Variants in ARFGAP1 observed in about 807,000 individuals in gnomAD.
The protein encoded by ARFGAP1 is ADP-ribosylation factor GTPase-activating protein 1.
In ARFGAP1, 26 loss-of-function variants were observed where a neutral mutation model predicts 54.0. That is an observed-to-expected ratio of 0.48 (90% CI 0.35 to 0.67). The LOEUF (loss-of-function observed/expected upper bound fraction) is 0.67. Ranked by LOEUF, ARFGAP1 falls within the 30% of genes least tolerant of loss-of-function variation. The pLI is 0.00. For synonymous variants in ARFGAP1, 248 were observed against 211.9 expected (o/e 1.17, Z -1.48); for missense variants, 525 against 535.8 (o/e 0.98, Z 0.20).
intron 10 of ARFGAP1, 92 bp from the exon 11 acceptor site, chr20:63,285,562 G>T: frequency 1.5e-6 from 2 of 1,356,832 alleles, no homozygotes; most frequent in Admixed American, 1.7e-5. Context: ...CTGATATTTC[G>T]GATGCCCTCA....
chr20:63,285,650 G>A lies in ARFGAP1; in HGVS notation c.775-4G>A. 1 of 1,613,340 alleles carries A rather than the reference G, an allele frequency of 6.2e-7. No homozygotes were observed. The highest frequency in any genetic ancestry group is 8.5e-7 in the Non-Finnish European group (1 of 1,179,784). On this transcript the variant is annotated splice_region_variant and splice_polypyrimidine_tract_variant and intron_variant, in intron 10 of 12. Coordinates refer to ENST00000370283, the MANE Select transcript of ARFGAP1 (RefSeq NM_018209.4). ...CATTAATGCCGCTGTCTTCATCCGTGCAGGTGAAGGAGGGAAAGATTTTTG... is the reference window on the plus strand; with the variant it reads ...CATTAATGCCGCTGTCTTCATCCGTACAGGTGAAGGAGGGAAAGATTTTTG...
rs564471843 is a variant in ARFGAP1, at chr20:63,288,339, T to TTTA, written c.*466_*467insTTA. 153 of 458,644 alleles carry TTTA rather than the reference T, an allele frequency of 3.3e-4. 1 individual carries two copies. The East Asian group carries it at 6.3e-3, about 19-fold the overall frequency. The allele number at this position is 458,644 out of a possible 1,614,324, so 28.4% of individuals were successfully genotyped here. On this transcript the variant is annotated 3_prime_UTR_variant, in exon 13 of 13. Transcript: ENST00000370283. ...TTCTTTTTGAAGAGAGTGACTGGAG[T>TTTA]GGTAAAGATGGAAATGCTGGAAATG...
Position 63,288,273 on chromosome 20 carries a change from C to A in ARFGAP1, c.*400C>A. 2.0e-6 allele frequency: 1 copy of A among 505,264 alleles called. No individual in the cohort carries two copies. Among genetic ancestry groups the A allele is most frequent in the African/African-American group, 1.9e-5 (1 of 52,194 alleles). The allele number at this position is 505,264 out of a possible 1,614,324, so 31.3% of individuals were successfully genotyped here. On this transcript the variant is annotated 3_prime_UTR_variant, in exon 13 of 13. Coordinates refer to ENST00000370283, the MANE Select transcript of ARFGAP1 (RefSeq NM_018209.4). ...GAGCTGTCAGCGACGTGAGGTGTCCCTTCTCGTTGAGATATTTAACTTTGG... is the reference window on the plus strand; with the variant it reads ...GAGCTGTCAGCGACGTGAGGTGTCCATTCTCGTTGAGATATTTAACTTTGG...
intron 11 of ARFGAP1, 133 bp downstream of exon 11, chr20:63,285,846 G>T: frequency 6.8e-7 from 1 of 1,465,066 alleles, no homozygotes; most frequent in Non-Finnish European, 9.4e-7. Context: ...TCTGAGACGG[G>T]AGGAGAGCTG....
chr20:63,287,968 A>G lies in ARFGAP1; in HGVS notation c.*95A>G, dbSNP rs1005192547. ...CCTCCTTCCATTTGACCCAAGAATC[A>G]GCAACTGCAGTGTGAGGACAGCGTC... On this transcript the variant is annotated 3_prime_UTR_variant, in exon 13 of 13. Transcript: ENST00000370283. The G allele has an allele frequency of 1.5e-6, 2 of 1,333,922 alleles. No homozygotes were observed. The highest frequency in any genetic ancestry group is 2.5e-5 in the East Asian group (1 of 39,536). 82.6% of individuals were successfully genotyped at this position (1,333,922 alleles called of 1,614,324 possible).
chr20:63,278,275 C>T, intron 6 of ARFGAP1, 72 bp downstream of exon 6: 3 of 1,529,122 alleles, frequency 2.0e-6, no homozygotes, highest in Non-Finnish European at 1.8e-6. Flanking sequence ...GGTAGGGCTG[C>T]TTCCCTTGGG....
chr20:63,278,225 A>G (rs769160674), intron 6 of ARFGAP1, 22 bp downstream of exon 6: 15 of 1,610,852 alleles, frequency 9.3e-6, no homozygotes, highest in Non-Finnish European at 1.3e-5. Context: ...AGAGCTGGGG[A>G]CGCCTGGCGT....
chr20:63,278,513 T>C, intron 6 of ARFGAP1: 1 of 463,370 alleles, frequency 2.2e-6, no homozygotes, highest in South Asian at 2.3e-5. Flanking sequence ...GCTGCCCAGG[T>C]GTGAATTGGG....
intron 1 of ARFGAP1, chr20:63,273,886 G>A (rs1168725313): frequency 1.3e-5 from 2 of 152,274 alleles, no homozygotes; most frequent in Non-Finnish European, 2.9e-5. Flanking sequence ...TTCTGCACAG[G>A]GCCCTCAGTG....
chr20:63,280,213 C>T (rs1041074351), intron 7 of ARFGAP1, among the ~76,000 whole-genome samples: 11 of 152,200 alleles, frequency 7.2e-5, no homozygotes, highest in African/African-American at 1.7e-4. Flanking sequence ...CCTTTGGCCA[C>T]GGGGGCTGCT....
rs1471683636 is a variant in ARFGAP1 at position 63,288,427 on chromosome 20, T to C, written c.*554T>C. 1 of 456,108 alleles carries C rather than the reference T, an allele frequency of 2.2e-6. No individual in the cohort carries two copies. The highest frequency in any genetic ancestry group is 2.3e-5 in the Admixed American group (1 of 42,580). 28.3% of individuals were successfully genotyped at this position (456,108 alleles called of 1,614,324 possible). The stretch of plus-strand genomic sequence containing the variant: ...TCCCGAGTCCACGCCTGCCTGGGCC[T>C]GTGCTGTCAGACCCGCGTCGGTCGT... On this transcript the variant is annotated 3_prime_UTR_variant, in exon 13 of 13. Coordinates refer to ENST00000370283, the MANE Select transcript of ARFGAP1 (RefSeq NM_018209.4).
At position 63,276,631 on chromosome 20, in the gene ARFGAP1, G is replaced by A. The variant is rs1420863880; in HGVS notation, c.322G>A (p.Ala108Thr). 3.7e-6 allele frequency: 6 copies of A among 1,611,694 alleles called. No individual in the cohort carries two copies. The highest frequency in any genetic ancestry group is 4.5e-5 in the East Asian group (2 of 44,872). ...SLQEKYNSRA[A>T]ALFRDKVVAL... is the part of the protein sequence containing the mutation. Reference sequence around the variant, plus strand: ...GCAGGAGAAGTACAACAGCAGAGCCGCGGCCCTCTTTAGGGATAAGGTAGA... The same window carrying A: ...GCAGGAGAAGTACAACAGCAGAGCCACGGCCCTCTTTAGGGATAAGGTAGA... The change falls in exon 4 of 13, where the codon GCG (alanine) becomes ACG (threonine). Residue 108 changes from alanine to threonine, a missense_variant. Coordinates refer to ENST00000370283, the MANE Select transcript of ARFGAP1 (RefSeq NM_018209.4). The surrounding 1 kb of genome is among the most constrained non-coding windows in gnomAD (Gnocchi z 5.2).
intron 1 of ARFGAP1, among the ~76,000 whole-genome samples, chr20:63,274,664 C>G (rs1193606802): frequency 1.3e-5 from 2 of 152,186 alleles, no homozygotes; most frequent in Non-Finnish European, 2.9e-5. Flanking sequence ...CTGCTGCCTC[C>G]AGGCTGGACT....
At chr20:63,284,023 G>A (rs11086161) in intron 9 of ARFGAP1, 6 of 1,477,988 alleles carry the variant, frequency 4.1e-6, no homozygotes, top group South Asian at 2.7e-5. Context: ...GCCTCGGTCC[G>A]TGGCTCTCCT....
At chr20:63,285,365 G>C in intron 10 of ARFGAP1, 1 of 534,500 alleles carries the variant, frequency 1.9e-6, no homozygotes, top group East Asian at 3.3e-5. Flanking sequence ...ACTGGGACAA[G>C]TGGGGAAGAC....
intron 9 of ARFGAP1, chr20:63,283,314 A>G (rs2067436159): frequency 5.0e-6 from 1 of 198,698 alleles, no homozygotes; most frequent in Non-Finnish European, 1.0e-5. Context: ...AGGCCTTTGC[A>G]TGTTTTTTAT....
intron 8 of ARFGAP1, 134 bp from the exon 9 acceptor site, chr20:63,282,685 G>A (rs2067415431): frequency 1.2e-6 from 1 of 815,110 alleles, no homozygotes; most frequent in Admixed American, 2.0e-5. Flanking sequence ...CAGAGTTATA[G>A]GGCCCGCCCA....
At position 63,287,821 on chromosome 20, in the gene ARFGAP1, C is replaced by T. The variant is rs1352524124; in HGVS notation, c.1169C>T (p.Ala390Val). The T allele has an allele frequency of 5.7e-6, 9 of 1,585,994 alleles. No individual in the cohort carries two copies. The highest frequency in any genetic ancestry group is 1.7e-4 in the Middle Eastern group (1 of 5,778). The change falls in exon 13 of 13, where the codon GCA (alanine) becomes GTA (valine). Residue 390 changes from alanine (A) to valine (V), a missense_variant. Ala to Val is a moderately conservative substitution (Grantham distance 64, BLOSUM62 0). This residue lies in a region of ARFGAP1 where 466 missense variants were observed against 453.6 expected (regional missense o/e 1.03). Coordinates refer to ENST00000370283, the MANE Select transcript of ARFGAP1 (RefSeq NM_018209.4). ...GGEGGEGTKK[A>V]VPPAVPTDDG... ...GAGGGCGGGGAGGGCACCAAGAAGG[C>T]AGTGCCGCCGGCCGTGCCCACTGAT... is the stretch of plus-strand genomic sequence containing the variant.
intron 2 of ARFGAP1, 138 bp downstream of exon 2, chr20:63,275,778 T>C: frequency 1.1e-6 from 1 of 876,634 alleles, no homozygotes; most frequent in African/African-American, 1.7e-5. Context: ...GTGCATGGCT[T>C]GTGCTGGCTG....
Sources: gnomAD v4.1 joint callset for allele counts (sites outside exome capture counted in the v4.1 genomes callset) on GRCh38, gnomAD v4.1.1 for gene constraint, gnomAD v4.1.1 regional missense constraint, Gnocchi (gnomAD v3.1) non-coding constraint, MANE v1.5 for transcripts, NCBI Gene and HGNC (gene_info 2026-07-23, HGNC 2026-07-21) for gene names.